Variants in LHFPL6 observed in about 807,000 individuals in gnomAD.
LHFPL6 encodes the protein LHFPL tetraspan subfamily member 6.
A neutral mutation model predicts 20.6 loss-of-function variants in LHFPL6; 9 were observed. The observed-to-expected ratio is 0.44, with a 90% CI of 0.26 to 0.76. The LOEUF is 0.76. LHFPL6 is among the 30% of genes least tolerant of loss of function. The pLI, the probability that LHFPL6 is intolerant of heterozygous loss-of-function variation, is 0.20. For synonymous variants in LHFPL6, 105 were observed against 98.7 expected, an observed-to-expected ratio of 1.06 and a Z score of -0.38; for missense variants, 218 against 253.5, an observed-to-expected ratio of 0.86 and a Z score of 0.95.
At chr13:39,499,145 G>GT (rs1267762622) in intron 2 of LHFPL6, among the ~76,000 whole-genome samples, 1 of 152,162 alleles carries the variant, frequency 6.6e-6, no homozygotes, top group Non-Finnish European at 1.5e-5. Context: ...TTACAGGCGT[G>GT]TACCACGCAC....
chr13:39,436,808 G>C, intron 2 of LHFPL6, among the ~76,000 whole-genome samples: 1 of 152,166 alleles, frequency 6.6e-6, no homozygotes, highest in East Asian at 1.9e-4. Flanking sequence ...CAACATCCCA[G>C]TGTGTGCCTA....
intron 2 of LHFPL6, among the ~76,000 whole-genome samples, chr13:39,533,098 T>C (rs1278845898): frequency 6.6e-6 from 1 of 152,218 alleles, no homozygotes; most frequent in Non-Finnish European, 1.5e-5. Flanking sequence ...AGAGAATACA[T>C]TGCAACCTTG....
intron 2 of LHFPL6, among the ~76,000 whole-genome samples, chr13:39,580,657 G>A (rs1172944496): frequency 6.6e-6 from 1 of 152,158 alleles, no homozygotes; most frequent in East Asian, 1.9e-4. Context: ...GTAACCAACT[G>A]TTGGTAATAG....
intron 2 of LHFPL6, among the ~76,000 whole-genome samples, chr13:39,419,424 T>C (rs927372166): frequency 2.0e-5 from 3 of 152,208 alleles, no homozygotes; most frequent in Non-Finnish European, 4.4e-5. Flanking sequence ...ATGAAATGGT[T>C]TCAAAACATA....
chr13:39,457,711 CTG>C (rs565825671), intron 2 of LHFPL6, among the ~76,000 whole-genome samples: 51 of 152,268 alleles, frequency 3.3e-4, no homozygotes, highest in African/African-American at 1.1e-3. Context: ...GATGAGGAAA[CTG>C]TTGTATATCT....
chr13:39,600,161 C>T (rs1296230236), intron 2 of LHFPL6, among the ~76,000 whole-genome samples: 2 of 152,190 alleles, frequency 1.3e-5, no homozygotes, highest in Admixed American at 6.5e-5. Flanking sequence ...CTATCCAGTC[C>T]ATCTGGGACA....
intron 2 of LHFPL6, among the ~76,000 whole-genome samples, chr13:39,474,841 G>T (rs1247663837): frequency 1.3e-5 from 2 of 152,116 alleles, no homozygotes; most frequent in Non-Finnish European, 2.9e-5. Flanking sequence ...AGAACAGGAA[G>T]GGGAGGAGAG....
intron 2 of LHFPL6, among the ~76,000 whole-genome samples, chr13:39,407,141 T>C (rs1217159867): frequency 1.3e-5 from 2 of 152,234 alleles, no homozygotes; most frequent in Non-Finnish European, 2.9e-5. Flanking sequence ...TCAGTTGTAT[T>C]AATTCAAATT....
chr13:39,551,539 C>T (rs745671041), intron 2 of LHFPL6, among the ~76,000 whole-genome samples: 4 of 152,152 alleles, frequency 2.6e-5, no homozygotes, highest in South Asian at 2.1e-4. Flanking sequence ...GGTTTTCCAA[C>T]TTTGTCCTTC....
rs568124414 is a variant in LHFPL6, at chr13:39,375,789, C to T, written c.484+2639G>A. 1.5e-3 allele frequency among the ~76,000 whole-genome samples: 223 copies of T among 144,240 alleles called. 5 individuals are homozygous for T. The South Asian group carries it at 0.03, about 19-fold the overall frequency. 94.6% of individuals were successfully genotyped at this position (144,240 alleles called of 152,430 possible). On this transcript the variant is annotated intron_variant, in intron 3 of 3. Coordinates refer to ENST00000379589, the MANE Select transcript of LHFPL6 (RefSeq NM_005780.3). ...TTTTCAAAGAATAGATAACAGAGTC[C>T]ACAAAGATAACAGTAACCTAGAGAA...
At chr13:39,372,079 G>A (rs2138354492) in intron 3 of LHFPL6, among the ~76,000 whole-genome samples, 1 of 152,232 alleles carries the variant, frequency 6.6e-6, no homozygotes, top group Non-Finnish European at 1.5e-5. Context: ...GAGCTCCTGA[G>A]TCAGTCAAGT....
chr13:39,573,311 G>C (rs1389835631), intron 2 of LHFPL6, among the ~76,000 whole-genome samples: 2 of 152,064 alleles, frequency 1.3e-5, no homozygotes, highest in Non-Finnish European at 2.9e-5. Context: ...ATTTAAATGA[G>C]TATGTATCAA....
intron 2 of LHFPL6, among the ~76,000 whole-genome samples, chr13:39,502,857 A>T (rs143838873): frequency 1.3e-5 from 2 of 151,934 alleles, no homozygotes; most frequent in African/African-American, 4.8e-5. Context: ...TAATAAATAC[A>T]TTTTCTTTTT....
At chr13:39,482,952 G>C (rs943987161) in intron 2 of LHFPL6, among the ~76,000 whole-genome samples, 1 of 152,194 alleles carries the variant, frequency 6.6e-6, no homozygotes, top group Non-Finnish European at 1.5e-5. Context: ...AGGTAAAATG[G>C]AAGACATTGC....
intron 2 of LHFPL6, among the ~76,000 whole-genome samples, chr13:39,469,145 G>C (rs1872880613): frequency 6.6e-6 from 1 of 152,142 alleles, no homozygotes; most frequent in Admixed American, 6.5e-5. Context: ...AGTACTTCAA[G>C]TCACTCTACT....
intron 2 of LHFPL6, among the ~76,000 whole-genome samples, chr13:39,453,509 G>C (rs1468377927): frequency 6.6e-6 from 1 of 152,134 alleles, no homozygotes; most frequent in Non-Finnish European, 1.5e-5. Flanking sequence ...ATAATGTTGA[G>C]ATTTGTAAAA....
In LHFPL6 at chr13:39,483,479, T is replaced by C. The variant is rs551137033; in HGVS notation, c.386-104953A>G. Among the ~76,000 whole-genome samples the C allele has an allele frequency of 1.7e-4, 25 of 143,138 alleles. No homozygotes were observed. The East Asian group carries it at 2.6e-3, about 15-fold the overall frequency. The allele number at this position is 143,138 out of a possible 152,430, so 93.9% of individuals were successfully genotyped here. The stretch of plus-strand genomic sequence containing the variant: ...TATTCCAAACTCCTGTCTTCCTCAT[T>C]ACAATTTTTTTTTTTTTTTTTTTTA... On this transcript the variant is annotated intron_variant, in intron 2 of 3. Coordinates refer to ENST00000379589, the MANE Select transcript of LHFPL6 (RefSeq NM_005780.3).
At chr13:39,350,438 A>G (rs1200927874) in intron 3 of LHFPL6, among the ~76,000 whole-genome samples, 1 of 152,238 alleles carries the variant, frequency 6.6e-6, no homozygotes, top group Admixed American at 6.5e-5. Flanking sequence ...CATGTTTTAC[A>G]GTCATAGAAA....
intron 2 of LHFPL6, among the ~76,000 whole-genome samples, chr13:39,443,735 T>C (rs1593315140): frequency 6.6e-6 from 1 of 152,014 alleles, no homozygotes; most frequent in Non-Finnish European, 1.5e-5. Context: ...TTAAACAATT[T>C]TTTTTACTTT....
Sources: gnomAD v4.1 joint callset for allele counts (sites outside exome capture counted in the v4.1 genomes callset) on GRCh38, gnomAD v4.1.1 for gene constraint, MANE v1.5 for transcripts, NCBI Gene and HGNC (gene_info 2026-07-23, HGNC 2026-07-21) for gene names.